The following RGPD4 variants were observed in gnomAD, a reference collection of about 807,000 sequenced individuals.
RGPD4 encodes ranBP2-like and GRIP domain-containing protein 4.
Under a neutral mutation model 141.1 loss-of-function variants are expected in RGPD4, and 84 were observed. The ratio of observed to expected loss-of-function variants is 0.60; its 90% CI spans 0.50 to 0.71. RGPD4 has a LOEUF of 0.71. Among genes scored for constraint, RGPD4 ranks in the 30% least tolerant of loss-of-function variants. The pLI is 0.00. For missense variants in RGPD4, 918 were observed against 1,622.4 expected (o/e 0.57, Z 7.46); for synonymous variants, 298 against 566.8 (o/e 0.53, Z 6.74).
At position 107,875,266 on chromosome 2, in the gene RGPD4, G is replaced by T. The variant is rs1287500007; in HGVS notation, c.4924+2338G>T. On this transcript the variant is annotated intron_variant, in intron 20 of 22. Coordinates refer to ENST00000408999, the MANE Select transcript of RGPD4 (RefSeq NM_182588.3). Reference sequence around the variant, plus strand: ...ACAGATGAAAGTAACTTTATCGATAGATTTGATTTAACTCATTATGTCCAG... The same window carrying T: ...ACAGATGAAAGTAACTTTATCGATATATTTGATTTAACTCATTATGTCCAG... Among the ~76,000 whole-genome samples, 5 of 63,398 alleles carry T rather than the reference G, an allele frequency of 7.9e-5. 2 individuals are homozygous for T. The highest frequency in any genetic ancestry group is 2.7e-4 in the African/African-American group (3 of 11,198). 41.6% of individuals were successfully genotyped at this position (63,398 alleles called of 152,430 possible).
chr2:107,886,324 C>A (rs1675511744), intron 22 of RGPD4, among the ~76,000 whole-genome samples: 2 of 110,246 alleles, frequency 1.8e-5, no homozygotes, highest in Non-Finnish European at 1.9e-5. Context: ...AAATCTACTT[C>A]TAGTCACATA....
In RGPD4 at chr2:107,872,810, T is replaced by C. The variant is rs1682979892; in HGVS notation, c.4806T>C (p.Cys1602=). The C allele has an allele frequency of 6.2e-7, 1 of 1,609,916 alleles. No homozygotes were observed. Among genetic ancestry groups the C allele is most frequent in the African/African-American group, 1.4e-5 (1 of 73,700 alleles). The stretch of plus-strand genomic sequence containing the variant: ...AAAGCAAAGTGGAACCTAAAAAATG[T>C]GAACTGTCAAAGAACTCTGATATCG... ...GSESKVEPKK[C]ELSKNSDIEQ... Residue 1602 remains cysteine (C), a synonymous_variant, in exon 20 of 23, where the codon TGT becomes TGC. Transcript: ENST00000408999.
rs1210623696 is a variant in RGPD4 at position 107,890,548 on chromosome 2, C to CAA, written c.5267-149_5267-148dup. Among the ~76,000 whole-genome samples the CAA allele has an allele frequency of 7.2e-3, 117 of 16,284 alleles. 7 individuals carry two copies. Among genetic ancestry groups the CAA allele is most frequent in the African/African-American group, 9.3e-3 (34 of 3,650 alleles). 10.7% of individuals were successfully genotyped at this position (16,284 alleles called of 152,430 possible). On this transcript the variant is annotated intron_variant, in intron 22 of 22. Transcript: ENST00000408999. Reference sequence around the variant, plus strand: ...TGGGTGACAGAGCAAGACCCTGTCTCAAAAAAAAAAAAAAAAAAAAAAAAA... The same window carrying CAA: ...TGGGTGACAGAGCAAGACCCTGTCTCAAAAAAAAAAAAAAAAAAAAAAAAAAA...
At chr2:107,878,065 GC>G (rs1683141516) in intron 20 of RGPD4, among the ~76,000 whole-genome samples, 1 of 150,782 alleles carries the variant, frequency 6.6e-6, no homozygotes, top group South Asian at 2.1e-4. Flanking sequence ...ACCCACCTTA[GC>G]CTCCCAAACT....
intron 15 of RGPD4, 119 bp downstream of exon 15, chr2:107,861,859 C>T: frequency 1.3e-6 from 2 of 1,496,428 alleles, no homozygotes; most frequent in Non-Finnish European, 1.8e-6. Flanking sequence ...TATTAATGCA[C>T]AGAAGGGATG....
At chr2:107,831,510 T>C (rs1681484922) in intron 1 of RGPD4, among the ~76,000 whole-genome samples, 3 of 149,874 alleles carry the variant, frequency 2.0e-5, no homozygotes, top group African/African-American at 4.9e-5. Context: ...AACACACATA[T>C]ATACTTTTGT....
chr2:107,857,621 G>T (rs1317907049), intron 9 of RGPD4, among the ~76,000 whole-genome samples: 1 of 151,704 alleles, frequency 6.6e-6, no homozygotes, highest in Middle Eastern at 3.2e-3. Context: ...AATTGGTAGA[G>T]ACAGGGTCTC....
chr2:107,884,872 T>C (rs903489234), intron 22 of RGPD4, among the ~76,000 whole-genome samples: 1 of 152,124 alleles, frequency 6.6e-6, no homozygotes, highest in African/African-American at 2.4e-5. Context: ...ATACTTCTGG[T>C]CTGGGGCCCA....
rs773480570 is a variant in RGPD4, at chr2:107,871,177, A to C, written c.3173A>C (p.Lys1058Thr). 2.5e-6 allele frequency: 4 copies of C among 1,610,202 alleles called. No homozygotes were observed. The East Asian group carries it at 8.9e-5, about 36-fold the overall frequency. Residue 1058 changes from lysine (K) to threonine (T), a missense_variant, in exon 20 of 23, where the codon AAA becomes ACA. By Grantham distance (78) the Lys-to-Thr change is moderately conservative. Coordinates refer to ENST00000408999, the MANE Select transcript of RGPD4 (RefSeq NM_182588.3). Reference sequence around the variant, plus strand: ...CTTGTAATAGGAGAAGAAGGTGAAAAAGTTCTGTATTCACAGGGGGTAAAA... The same window carrying C: ...CTTGTAATAGGAGAAGAAGGTGAAACAGTTCTGTATTCACAGGGGGTAAAA... ...VELVIGEEGE[K>T]VLYSQGVKLF...
chr2:107,880,130 C>A (rs749060619), intron 21 of RGPD4, 23 bp downstream of exon 21: 2 of 1,611,470 alleles, frequency 1.2e-6, no homozygotes, highest in South Asian at 1.1e-5. Flanking sequence ...AACCTGGCCA[C>A]CATGAAAACT....
rs750356006 is a variant in RGPD4, at chr2:107,827,067, C to T, written c.54C>T (p.Ser18=). 5.8e-5 allele frequency: 93 copies of T among 1,592,154 alleles called. 3 individuals are homozygous for T. In the South Asian group the frequency reaches 7.8e-4, roughly 13 times the overall value. ...GGTACGTCGCCTCCGTGCAGGGCTC[C>T]GCCCCGTCGCCTCGAAAGGTGAGTG... ...GERYVASVQG[S]APSPRKKSTR... Residue 18 remains serine, a synonymous_variant, in exon 1 of 23, where the codon TCC becomes TCT. Coordinates refer to ENST00000408999, the MANE Select transcript of RGPD4 (RefSeq NM_182588.3).
chr2:107,831,914 T>C lies in RGPD4; in HGVS notation c.73-4688T>C, dbSNP rs547796014. Among the ~76,000 whole-genome samples, 13 of 136,326 alleles carry C rather than the reference T, an allele frequency of 9.5e-5. No individual in the cohort carries two copies. The East Asian group carries it at 2.4e-3, about 25-fold the overall frequency. The allele number at this position is 136,326 out of a possible 152,430, so 89.4% of individuals were successfully genotyped here. Reference sequence around the variant, plus strand: ...ACTGGCTATTATGCTCCTCCAAAACTGTCCTCAGACACTTTGGTTTGCCCC... The same window carrying C: ...ACTGGCTATTATGCTCCTCCAAAACCGTCCTCAGACACTTTGGTTTGCCCC... On this transcript the variant is annotated intron_variant, in intron 1 of 22. Coordinates refer to ENST00000408999, the MANE Select transcript of RGPD4 (RefSeq NM_182588.3).
Position 107,883,188 on chromosome 2 carries a change from A to G in RGPD4, c.5266+315A>G, listed in dbSNP as rs373805472. 54 of 545,108 alleles carry G rather than the reference A, an allele frequency of 9.9e-5. No homozygotes were observed. In the East Asian group the frequency reaches 1.9e-3, roughly 20 times the overall value. 33.8% of individuals were successfully genotyped at this position (545,108 alleles called of 1,614,324 possible). A position where few individuals can be genotyped will look rare whatever the true frequency, so the allele number is the denominator to read the frequency against. Reference sequence around the variant, plus strand: ...TGAACGTGGTTTTGTTTTAAATTCTACTTTTTAAAAAACATTTATTAGCTT... The same window carrying G: ...TGAACGTGGTTTTGTTTTAAATTCTGCTTTTTAAAAAACATTTATTAGCTT... On this transcript the variant is annotated intron_variant, in intron 22 of 22. Coordinates refer to ENST00000408999, the MANE Select transcript of RGPD4 (RefSeq NM_182588.3).
chr2:107,830,836 A>G (rs28661487), intron 1 of RGPD4, among the ~76,000 whole-genome samples: 29 of 151,816 alleles, frequency 1.9e-4, no homozygotes, highest in African/African-American at 6.3e-4. Flanking sequence ...ATGCGTCTGT[A>G]TATCATATCT....
intron 7 of RGPD4, among the ~76,000 whole-genome samples, chr2:107,849,584 A>G: frequency 2.6e-5 from 1 of 38,274 alleles, no homozygotes; most frequent in African/African-American, 1.3e-4. Context: ...GTTAGCCAGG[A>G]TGGTCTCAAT....
intron 18 of RGPD4, among the ~76,000 whole-genome samples, chr2:107,867,479 C>T (rs370944115): frequency 0.077 from 10,366 of 135,144 alleles, 245 homozygotes; most frequent in African/African-American, 0.12. Context: ...AAATGTCTAA[C>T]GTTCAAACCT....
chr2:107,853,615 G>T (rs1350737570), intron 7 of RGPD4, among the ~76,000 whole-genome samples: 6 of 90,856 alleles, frequency 6.6e-5, no homozygotes, highest in African/African-American at 2.5e-4. Flanking sequence ...ACTCAAATAG[G>T]ACAACATCTG....
At chr2:107,866,543 G>C (rs1242348939) in intron 18 of RGPD4, among the ~76,000 whole-genome samples, 1 of 128,976 alleles carries the variant, frequency 7.8e-6, no homozygotes, top group South Asian at 3.0e-4. Context: ...GTATATAAAG[G>C]CTTAAAGAAC....
rs1313574236 is a variant in RGPD4 at position 107,880,438 on chromosome 2, G to T, written c.5064+331G>T. ...GCCAACATGCCTGGCTAATTTCTTTGTATTTTTAGTAGAGACAGGTTTTAC... is the reference window on the plus strand; with the variant it reads ...GCCAACATGCCTGGCTAATTTCTTTTTATTTTTAGTAGAGACAGGTTTTAC... On this transcript the variant is annotated intron_variant, in intron 21 of 22. Coordinates refer to ENST00000408999, the MANE Select transcript of RGPD4 (RefSeq NM_182588.3). 2.0e-5 allele frequency among the ~76,000 whole-genome samples: 3 copies of T among 150,792 alleles called. No individual in the cohort carries two copies. In the East Asian group the frequency reaches 5.8e-4, roughly 29 times the overall value.
Sources: allele counts gnomAD v4.1 joint callset (sites outside exome capture counted in the v4.1 genomes callset), GRCh38; gene constraint gnomAD v4.1.1; transcripts MANE v1.5; gene names NCBI Gene and HGNC (gene_info 2026-07-23, HGNC 2026-07-21).